Variants in EGFLAM observed in about 807,000 individuals in gnomAD.
The protein encoded by EGFLAM is pikachurin.
In EGFLAM, 79 loss-of-function variants were observed where a neutral mutation model predicts 113.1. The observed-to-expected ratio is 0.70, with a 90% CI of 0.58 to 0.84. The LOEUF is 0.84. Among genes scored for constraint, EGFLAM ranks in the 40% least tolerant of loss-of-function variants. The probability of loss-of-function intolerance (pLI) is 0.00; values close to 1 mark genes in which losing one functional copy is unlikely to be tolerated. For missense variants in EGFLAM, 1,265 were observed against 1,291.6 expected (o/e 0.98, Z 0.32); for synonymous variants, 504 against 487.6 (o/e 1.03, Z -0.44).
In EGFLAM at chr5:38,418,291, G is replaced by A. The variant is rs1383134864; in HGVS notation, c.1684+36G>A. On this transcript the variant is annotated intron_variant, in intron 12 of 21. Transcript: ENST00000322350. Reference sequence around the variant, plus strand: ...GCCTGGTGGGTTGGGGTACTCTTATGGGACTTATGTCTTATGGGACTGCCT... The same window carrying A: ...GCCTGGTGGGTTGGGGTACTCTTATAGGACTTATGTCTTATGGGACTGCCT... 6.2e-6 allele frequency: 10 copies of A among 1,608,556 alleles called. No homozygotes were observed. The African/African-American group carries it at 9.3e-5, about 15-fold the overall frequency.
chr5:38,441,703 C>T (rs933623690), intron 17 of EGFLAM, among the ~76,000 whole-genome samples: 1 of 152,198 alleles, frequency 6.6e-6, no homozygotes, highest in East Asian at 1.9e-4. Context: ...ACAATTCTCT[C>T]TCTTCTGCAG....
intron 1 of EGFLAM, among the ~76,000 whole-genome samples, chr5:38,268,503 G>C (rs1409208061): frequency 6.6e-6 from 1 of 152,154 alleles, no homozygotes; most frequent in Non-Finnish European, 1.5e-5. Context: ...TGCACAGGAA[G>C]AAAAATAACT....
At chr5:38,411,483 C>CTTTTT (rs759299989) in intron 10 of EGFLAM, among the ~76,000 whole-genome samples, 3 of 113,416 alleles carry the variant, frequency 2.6e-5, no homozygotes, top group Non-Finnish European at 5.2e-5. Context: ...TCATTAATTT[C>CTTTTT]TTTTTTTTTT....
chr5:38,345,069 G>A (rs1739440285), intron 3 of EGFLAM, among the ~76,000 whole-genome samples: 2 of 152,174 alleles, frequency 1.3e-5, no homozygotes, highest in African/African-American at 4.8e-5. Context: ...GAAAAACCAG[G>A]TGCTCATTTC....
At chr5:38,332,847 G>A (rs1739081413) in intron 1 of EGFLAM, among the ~76,000 whole-genome samples, 2 of 152,112 alleles carry the variant, frequency 1.3e-5, no homozygotes. Context: ...CCCTCATTCC[G>A]GTAAACCCAC....
intron 12 of EGFLAM, among the ~76,000 whole-genome samples, chr5:38,418,745 A>G (rs1327494328): frequency 6.6e-6 from 1 of 152,250 alleles, no homozygotes; most frequent in African/African-American, 2.4e-5. Context: ...AAGAGGTAGA[A>G]GTTATTATCA....
chr5:38,452,734 C>T (rs961238981), intron 19 of EGFLAM, among the ~76,000 whole-genome samples: 1 of 152,214 alleles, frequency 6.6e-6, no homozygotes, highest in Non-Finnish European at 1.5e-5. Context: ...AGATTCATGT[C>T]TCAATAGATC....
At chr5:38,309,799 A>G (rs1738375164) in intron 1 of EGFLAM, among the ~76,000 whole-genome samples, 1 of 152,216 alleles carries the variant, frequency 6.6e-6, no homozygotes, top group Non-Finnish European at 1.5e-5. Flanking sequence ...TACAACATCC[A>G]AAGGGGACAG....
intron 11 of EGFLAM, among the ~76,000 whole-genome samples, chr5:38,416,998 C>T (rs564709648): frequency 6.6e-6 from 1 of 152,224 alleles, no homozygotes; most frequent in African/African-American, 2.4e-5. Context: ...GGCAGCGTGC[C>T]TTTCCCTGAC....
At position 38,428,420 on chromosome 5, in the gene EGFLAM, A is replaced by G. The variant is rs548933652; in HGVS notation, c.2054+1168A>G. Among the ~76,000 whole-genome samples, 5 of 152,352 alleles carry G rather than the reference A, an allele frequency of 3.3e-5. No homozygotes were observed. In the East Asian group the frequency reaches 5.8e-4, roughly 18 times the overall value. ...ACCTTCCCCTCTAGGGGAACGGACA[A>G]ATATTGTTGTACCTCTGGTTATGCA... is the stretch of plus-strand genomic sequence containing the variant. On this transcript the variant is annotated intron_variant, in intron 14 of 21. Transcript: ENST00000322350.
At chr5:38,332,249 G>GT (rs1739062465) in intron 1 of EGFLAM, among the ~76,000 whole-genome samples, 1 of 152,044 alleles carries the variant, frequency 6.6e-6, no homozygotes, top group African/African-American at 2.4e-5. Context: ...GTCTGTTAAG[G>GT]TCTTGGTCCA....
chr5:38,461,482 G>A (rs1181019064), intron 20 of EGFLAM, among the ~76,000 whole-genome samples: 2 of 152,028 alleles, frequency 1.3e-5, no homozygotes, highest in Non-Finnish European at 2.9e-5. Flanking sequence ...ACTAGAGTAA[G>A]TAGAAAAAAA....
chr5:38,294,137 C>T (rs886295265), intron 1 of EGFLAM, among the ~76,000 whole-genome samples: 3 of 152,160 alleles, frequency 2.0e-5, no homozygotes, highest in Admixed American at 2.0e-4. Flanking sequence ...TTTCAAGCTG[C>T]AGGTTCTCAT....
At chr5:38,415,942 C>T (rs919047795) in intron 11 of EGFLAM, among the ~76,000 whole-genome samples, 2 of 152,018 alleles carry the variant, frequency 1.3e-5, no homozygotes, top group Admixed American at 6.5e-5. Context: ...TGGGGGTAAC[C>T]ACCCCCATGA....
intron 1 of EGFLAM, among the ~76,000 whole-genome samples, chr5:38,295,283 A>T (rs1758426633): frequency 6.6e-6 from 1 of 152,230 alleles, no homozygotes; most frequent in Admixed American, 6.5e-5. Context: ...AAGTTTATTG[A>T]ATATTGCAGT....
intron 1 of EGFLAM, among the ~76,000 whole-genome samples, chr5:38,324,179 A>C (rs2111902790): frequency 6.6e-6 from 1 of 152,078 alleles, no homozygotes; most frequent in South Asian, 2.1e-4. Context: ...AGAGATTTAG[A>C]GAATTACTTT....
At chr5:38,427,531 G>T (rs1445433477) in intron 14 of EGFLAM, among the ~76,000 whole-genome samples, 1 of 152,158 alleles carries the variant, frequency 6.6e-6, no homozygotes, top group Non-Finnish European at 1.5e-5. Context: ...TCAGGTGGAG[G>T]TAAACTGCCT....
At chr5:38,328,214 G>A (rs1738938969) in intron 1 of EGFLAM, among the ~76,000 whole-genome samples, 1 of 152,164 alleles carries the variant, frequency 6.6e-6, no homozygotes, top group Non-Finnish European at 1.5e-5. Flanking sequence ...GCCAGAGCAG[G>A]AGGAACACAG....
At chr5:38,272,855 G>A (rs1757798300) in intron 1 of EGFLAM, among the ~76,000 whole-genome samples, 1 of 152,072 alleles carries the variant, frequency 6.6e-6, no homozygotes, top group Non-Finnish European at 1.5e-5. Flanking sequence ...TTGTTTTGAA[G>A]TGGTGAAGTA....
Sources: allele counts gnomAD v4.1 joint callset (sites outside exome capture counted in the v4.1 genomes callset), GRCh38; gene constraint gnomAD v4.1.1; transcripts MANE v1.5; gene names NCBI Gene and HGNC (gene_info 2026-07-23, HGNC 2026-07-21).